The following PLXNA4 variants were observed in gnomAD, a reference collection of about 807,000 sequenced individuals.
PLXNA4 encodes the protein plexin-A4.
Under a neutral mutation model 191.8 loss-of-function variants are expected in PLXNA4, and 44 were observed. That is an observed-to-expected ratio of 0.23 (90% CI 0.18 to 0.29). The LOEUF is 0.29. Among genes scored for constraint, PLXNA4 ranks in the 10% least tolerant of loss-of-function variants. The probability of loss-of-function intolerance (pLI) is 1.00; values close to 1 mark genes in which losing one functional copy is unlikely to be tolerated. For synonymous variants in PLXNA4, 1,082 were observed against 1,009.5 expected, an observed-to-expected ratio of 1.07 and a Z score of -1.36; for missense variants, 1,800 against 2,488.8, an observed-to-expected ratio of 0.72 and a Z score of 5.89.
chr7:132,444,033 G>C (rs1368592), intron 3 of PLXNA4, among the ~76,000 whole-genome samples: 110,101 of 152,210 alleles, frequency 0.72, 43,870 homozygotes, highest in Non-Finnish European at 0.89. Context: ...GCCTGGCTTA[G>C]AAACTAAGCC....
intron 1 of PLXNA4, among the ~76,000 whole-genome samples, chr7:132,554,933 G>C (rs1008218373): frequency 6.6e-6 from 1 of 151,618 alleles, no homozygotes; most frequent in Non-Finnish European, 1.5e-5. Context: ...ATAATTATCA[G>C]GTAGGCTCCA....
intron 9 of PLXNA4, among the ~76,000 whole-genome samples, chr7:132,211,436 A>G (rs1436691849): frequency 1.3e-5 from 2 of 152,184 alleles, no homozygotes; most frequent in Non-Finnish European, 2.9e-5. Flanking sequence ...TCCTCCTGGC[A>G]CCCTTCTACC....
At chr7:132,440,382 G>A (rs1339312801) in intron 3 of PLXNA4, among the ~76,000 whole-genome samples, 1 of 152,110 alleles carries the variant, frequency 6.6e-6, no homozygotes, top group African/African-American at 2.4e-5. Flanking sequence ...ACCCAGCCCC[G>A]TCTGCCTTCT....
intron 3 of PLXNA4, among the ~76,000 whole-genome samples, chr7:132,451,941 G>A (rs1796139351): frequency 6.6e-6 from 1 of 152,176 alleles, no homozygotes; most frequent in African/African-American, 2.4e-5. Flanking sequence ...AGTCTGTCTG[G>A]AAGCTCTTCC....
rs150444913 is a variant in PLXNA4 at position 132,561,817 on chromosome 7, C to G, written c.-87+14605G>C. Among the ~76,000 whole-genome samples the G allele has an allele frequency of 3.1e-3, 410 of 132,786 alleles. 1 individual carries two copies. The highest frequency in any genetic ancestry group is 0.021 in the Middle Eastern group (4 of 188). The allele number at this position is 132,786 out of a possible 152,430, so 87.1% of individuals were successfully genotyped here. A position where few individuals can be genotyped will look rare whatever the true frequency, so the allele number is the denominator to read the frequency against. ...TCCTCCTCCTTATCCTCCTCTTTCT[C>G]CTCCTTCTTCTCCTCCGCCTCCTTC... On this transcript the variant is annotated intron_variant, in intron 1 of 31. Coordinates refer to ENST00000321063, the MANE Select transcript of PLXNA4 (RefSeq NM_020911.2).
intron 3 of PLXNA4, among the ~76,000 whole-genome samples, chr7:132,457,624 G>A (rs1319989260): frequency 6.6e-6 from 1 of 152,212 alleles, no homozygotes; most frequent in Non-Finnish European, 1.5e-5. Context: ...TCTAGAGCAA[G>A]AGACTTTGCA....
At chr7:132,317,408 T>C (rs1408789267) in intron 3 of PLXNA4, among the ~76,000 whole-genome samples, 1 of 151,992 alleles carries the variant, frequency 6.6e-6, no homozygotes, top group African/African-American at 2.4e-5. Context: ...TTGGGTTGGG[T>C]TGAATTTGAT....
intron 3 of PLXNA4, among the ~76,000 whole-genome samples, chr7:132,458,804 T>C (rs554941427): frequency 6.6e-6 from 1 of 152,076 alleles, no homozygotes; most frequent in South Asian, 2.1e-4. Context: ...AATATGACAG[T>C]GCAATAAAAA....
intron 4 of PLXNA4, among the ~76,000 whole-genome samples, chr7:132,285,521 T>G (rs998981169): frequency 1.2e-4 from 18 of 152,220 alleles, no homozygotes; most frequent in Admixed American, 2.6e-4. Context: ...GATGTCTCCA[T>G]TGTCTGCTTG....
intron 3 of PLXNA4, among the ~76,000 whole-genome samples, chr7:132,361,065 T>C (rs1440384782): frequency 6.6e-6 from 1 of 152,178 alleles, no homozygotes; most frequent in African/African-American, 2.4e-5. Flanking sequence ...TGGATCGTCC[T>C]CCATGCCATC....
At chr7:132,406,557 G>C (rs1264323229) in intron 3 of PLXNA4, among the ~76,000 whole-genome samples, 6 of 152,096 alleles carry the variant, frequency 3.9e-5, no homozygotes, top group Non-Finnish European at 7.3e-5. Flanking sequence ...CAGAGCATCT[G>C]CTCCCTCCTA....
chr7:132,299,220 A>G (rs774638090), intron 3 of PLXNA4, among the ~76,000 whole-genome samples: 1 of 152,270 alleles, frequency 6.6e-6, no homozygotes, highest in African/African-American at 2.4e-5. Flanking sequence ...TACCACATGC[A>G]CAACTGTAAG....
At chr7:132,155,734 T>C (rs918765124) in intron 25 of PLXNA4, among the ~76,000 whole-genome samples, 1 of 152,144 alleles carries the variant, frequency 6.6e-6, no homozygotes, top group East Asian at 1.9e-4. Flanking sequence ...GCAGTGAAGG[T>C]GGGCCCTGCG....
At chr7:132,244,517 T>G (rs1224109591) in intron 4 of PLXNA4, among the ~76,000 whole-genome samples, 4 of 152,220 alleles carry the variant, frequency 2.6e-5, no homozygotes, top group African/African-American at 9.7e-5. Context: ...TTGATCTAGG[T>G]TCTCTCCACT....
chr7:132,286,568 C>G (rs1358367807), intron 4 of PLXNA4, among the ~76,000 whole-genome samples: 1 of 152,144 alleles, frequency 6.6e-6, no homozygotes, highest in East Asian at 1.9e-4. Flanking sequence ...GCTCCACATC[C>G]TCCCTCACCC....
At chr7:132,585,694 G>C (rs1802494212) in intron 2 of PLXNA4, among the ~76,000 whole-genome samples, 1 of 152,204 alleles carries the variant, frequency 6.6e-6, no homozygotes, top group Non-Finnish European at 1.5e-5. Flanking sequence ...AGCATGGTCA[G>C]GTACTTGGTG....
At chr7:132,453,184 G>T (rs1358414660) in intron 3 of PLXNA4, among the ~76,000 whole-genome samples, 1 of 152,152 alleles carries the variant, frequency 6.6e-6, no homozygotes, top group Non-Finnish European at 1.5e-5. Flanking sequence ...TTAGGGAGAG[G>T]ATGGAAGCAG....
Position 132,544,083 on chromosome 7 carries a change from G to A in PLXNA4, c.-87+32339C>T, listed in dbSNP as rs952460068. Reference sequence around the variant, plus strand: ...TGATTTGCCCATTAACTGAGAGTGGGATTGAAAGAGAAAGAAGAATCAAAG... The same window carrying A: ...TGATTTGCCCATTAACTGAGAGTGGAATTGAAAGAGAAAGAAGAATCAAAG... On this transcript the variant is annotated intron_variant, in intron 1 of 31. Transcript: ENST00000321063. 3.3e-5 allele frequency among the ~76,000 whole-genome samples: 5 copies of A among 152,224 alleles called. No individual in the cohort carries two copies. In the East Asian group the frequency reaches 9.6e-4, roughly 29 times the overall value.
chr7:132,358,656 TG>T (rs1803808552), intron 3 of PLXNA4, among the ~76,000 whole-genome samples: 1 of 152,234 alleles, frequency 6.6e-6, no homozygotes, highest in Non-Finnish European at 1.5e-5. Context: ...TCTATGACAG[TG>T]ACTTGGGTAG....
Sources: gnomAD v4.1 joint callset for allele counts (sites outside exome capture counted in the v4.1 genomes callset) on GRCh38, gnomAD v4.1.1 for gene constraint, MANE v1.5 for transcripts, NCBI Gene and HGNC (gene_info 2026-07-23, HGNC 2026-07-21) for gene names.